The following GGT7 variants were observed in gnomAD, a reference collection of about 807,000 sequenced individuals.
GGT7 encodes the protein glutathione hydrolase 7.
A neutral mutation model predicts 69.2 loss-of-function variants in GGT7; 30 were observed. That is an observed-to-expected ratio of 0.43 (90% CI 0.32 to 0.59). The LOEUF (loss-of-function observed/expected upper bound fraction) is 0.59. Ranked by LOEUF, GGT7 falls within the 20% of genes least tolerant of loss-of-function variation. The pLI, the probability that GGT7 is intolerant of heterozygous loss-of-function variation, is 0.05. For missense variants in GGT7, 733 were observed against 901.1 expected (o/e 0.81, Z 2.39); for synonymous variants, 388 against 391.8 (o/e 0.99, Z 0.12).
In GGT7 at chr20:34,845,287, T is replaced by C; in HGVS notation, c.*41A>G. On this transcript the variant is annotated 3_prime_UTR_variant, in exon 15 of 15. Transcript: ENST00000336431. ...GGGAGAAGGAGGGACTCTGGGAACA[T>C]GCAAAGTGGGGGAGCAGAGACCCCG... 1 of 1,573,394 alleles carries C rather than the reference T, an allele frequency of 6.4e-7. No individual in the cohort carries two copies. The highest frequency in any genetic ancestry group is 8.7e-7 in the Non-Finnish European group (1 of 1,155,906).
intron 7 of GGT7, among the ~76,000 whole-genome samples, chr20:34,858,159 G>C (rs946629264): frequency 6.6e-6 from 1 of 152,176 alleles, no homozygotes; most frequent in Non-Finnish European, 1.5e-5. Flanking sequence ...GCTTTTGCTG[G>C]AACTACTGGG....
chr20:34,860,112 G>GGGGGGGGGGGGGGGGGGGGGA (rs2079565227), intron 5 of GGT7, 70 bp from the exon 6 acceptor site: 3 of 863,886 alleles, frequency 3.5e-6, no homozygotes, highest in African/African-American at 1.7e-5. Context: ...GGGGAGGGGG[G>GGGGGGGGGGGGGGGGGGGGGA]TTCCTGGGAA....
intron 1 of GGT7, among the ~76,000 whole-genome samples, chr20:34,867,649 G>A (rs1413007882): frequency 1.3e-5 from 2 of 152,144 alleles, no homozygotes; most frequent in Non-Finnish European, 2.9e-5. Flanking sequence ...CTGGTAGTTC[G>A]AGGCTGCAGT....
chr20:34,857,914 G>T (rs904633041), intron 7 of GGT7, among the ~76,000 whole-genome samples: 2 of 152,154 alleles, frequency 1.3e-5, no homozygotes, highest in Non-Finnish European at 2.9e-5. Flanking sequence ...ACCATGGCCT[G>T]GCCCATTTGA....
intron 10 of GGT7, 47 bp downstream of exon 10, chr20:34,854,482 CCA>C (rs2079453958): frequency 1.7e-6 from 2 of 1,152,788 alleles, no homozygotes; most frequent in Non-Finnish European, 2.6e-6. Context: ...GACCCTTTCC[CCA>C]CACCCACCGC....
chr20:34,861,183 G>C (rs979910233), intron 4 of GGT7, among the ~76,000 whole-genome samples: 1 of 152,084 alleles, frequency 6.6e-6, no homozygotes, highest in African/African-American at 2.4e-5. Context: ...CATCAACTTC[G>C]TGACATTTCA....
chr20:34,872,091 AAGGACTTTTGAGAGGTCATGC>A (rs1274770457), intron 1 of GGT7: 1 of 152,316 alleles, frequency 6.6e-6, no homozygotes, highest in Non-Finnish European at 1.5e-5. Flanking sequence ...TCTAGTCCCC[AAGGACTTTTGAGAGGTCATGC>A]AGTCCATGCC....
At chr20:34,862,509 C>G (rs909994404) in intron 3 of GGT7, among the ~76,000 whole-genome samples, 1 of 150,624 alleles carries the variant, frequency 6.6e-6, no homozygotes, top group Non-Finnish European at 1.5e-5. Flanking sequence ...GTTGAAATAT[C>G]TCTGCCTTAA....
In GGT7 at chr20:34,859,618, A is replaced by C. The variant is rs1345540487; in HGVS notation, c.839T>G (p.Leu280Arg). The C allele has an allele frequency of 1.3e-6, 2 of 1,598,412 alleles. No homozygotes were observed. Among genetic ancestry groups the C allele is most frequent in the Non-Finnish European group, 1.7e-6 (2 of 1,171,364 alleles). The stretch of plus-strand genomic sequence containing the variant: ...GAAGCGCTCGGACATGTTGGGTGGC[A>C]GCTGTTCAGCCAGGGCACGGGCTAG... Reference protein sequence around the residue: ...HDLARALAEQLPPNMSERFRE... With the variant: ...HDLARALAEQRPPNMSERFRE... The change falls in exon 7 of 15, where the codon CTG becomes CGG. Residue 280 changes from leucine to arginine, a missense_variant. Transcript: ENST00000336431.
Position 34,852,486 on chromosome 20 carries a change from G to A in GGT7, c.1372C>T (p.Pro458Ser), listed in dbSNP as rs1187103800. 1 of 1,610,406 alleles carries A rather than the reference G, an allele frequency of 6.2e-7. No homozygotes were observed. Among genetic ancestry groups the A allele is most frequent in the East Asian group, 2.2e-5 (1 of 44,858 alleles). The change falls in exon 11 of 15, where the codon CCT becomes TCT. Residue 458 changes from proline (P) to serine (S), a missense_variant. Coordinates refer to ENST00000336431, the MANE Select transcript of GGT7 (RefSeq NM_178026.3). ...RGHINDSQAA[P>S]APLLPVYELD... ...TCATAGACAGGCAGGAGTGGGGCAG[G>A]GGCTGCCTGGGAGTCATTGATATGG...
chr20:34,852,924 T>TG (rs1246351427), intron 10 of GGT7, among the ~76,000 whole-genome samples: 1 of 151,118 alleles, frequency 6.6e-6, no homozygotes, highest in Non-Finnish European at 1.5e-5. Context: ...AGAGTTTAGT[T>TG]GGGGGAGGAT....
chr20:34,865,374 G>A (rs1438432637), intron 1 of GGT7, among the ~76,000 whole-genome samples: 1 of 151,672 alleles, frequency 6.6e-6, no homozygotes, highest in Non-Finnish European at 1.5e-5. Context: ...ATTTTTTGTA[G>A]AGATGGGATT....
Position 34,863,095 on chromosome 20 carries a change from C to T in GGT7, c.406-130G>A. 1 of 914,496 alleles carries T rather than the reference C, an allele frequency of 1.1e-6. No individual in the cohort carries two copies. The highest frequency in any genetic ancestry group is 1.7e-5 in the South Asian group (1 of 59,892). 56.6% of individuals were successfully genotyped at this position (914,496 alleles called of 1,614,324 possible). A position where few individuals can be genotyped will look rare whatever the true frequency, so the allele number is the denominator to read the frequency against. ...GCCCCCTTGTTGCCTTGACTCTGCC[C>T]TCATTACCCCAAGTGCCTCCTAATG... On this transcript the variant is annotated intron_variant, in intron 2 of 14. Coordinates refer to ENST00000336431, the MANE Select transcript of GGT7 (RefSeq NM_178026.3). The surrounding 1 kb of genome is among the most constrained non-coding windows in gnomAD (Gnocchi z 4.4).
In GGT7 at chr20:34,863,388, G is replaced by C. The variant is rs758677980; in HGVS notation, c.330C>G (p.Ile110Met). The C allele has an allele frequency of 1.2e-6, 2 of 1,613,890 alleles. No individual in the cohort carries two copies. Among genetic ancestry groups the C allele is most frequent in the South Asian group, 2.2e-5 (2 of 91,080 alleles). ...CSCRQDGLTV[I>M]VTACLTFATG... ...TAGCGAAGGTGAGACAGGCCGTGAC[G>C]ATGACCGTGAGCCCATCCTGGCGGC... Residue 110 changes from isoleucine to methionine, a missense_variant, in exon 2 of 15, where the codon ATC becomes ATG. By Grantham distance (10) the Ile-to-Met change is conservative. Transcript: ENST00000336431. The surrounding 1 kb of genome is among the most constrained non-coding windows in gnomAD (Gnocchi z 4.4).
chr20:34,867,096 G>T (rs2079703615), intron 1 of GGT7, among the ~76,000 whole-genome samples: 1 of 151,742 alleles, frequency 6.6e-6, no homozygotes. Context: ...TGCTGTTGCT[G>T]TTGTTGTTAA....
At chr20:34,865,387 G>A (rs779687828) in intron 1 of GGT7, among the ~76,000 whole-genome samples, 8 of 148,214 alleles carry the variant, frequency 5.4e-5, no homozygotes, top group Non-Finnish European at 1.2e-4. Context: ...ATGGGATTTC[G>A]CCATGTTGCC....
intron 7 of GGT7, among the ~76,000 whole-genome samples, chr20:34,858,973 C>T (rs966458715): frequency 2.6e-5 from 4 of 152,164 alleles, no homozygotes; most frequent in Non-Finnish European, 2.9e-5. Flanking sequence ...GAGTTCGAGA[C>T]CAGCCTGGCC....
chr20:34,859,774 A>T, intron 6 of GGT7, 135 bp from the exon 7 acceptor site: 2 of 842,584 alleles, frequency 2.4e-6, no homozygotes, highest in South Asian at 1.7e-5. Context: ...GTTAAGTGCG[A>T]GGCAGGGATG....
At chr20:34,846,087 TGGAAG>T (rs2079300692) in intron 14 of GGT7, among the ~76,000 whole-genome samples, 1 of 126,234 alleles carries the variant, frequency 7.9e-6, no homozygotes, top group Non-Finnish European at 1.7e-5. Context: ...AGAAAGAAAA[TGGAAG>T]GAAGGAAGGG....
Sources: gnomAD v4.1 joint callset for allele counts (sites outside exome capture counted in the v4.1 genomes callset) on GRCh38, gnomAD v4.1.1 for gene constraint, Gnocchi (gnomAD v3.1) non-coding constraint, MANE v1.5 for transcripts, NCBI Gene and HGNC (gene_info 2026-07-23, HGNC 2026-07-21) for gene names.